KCND2: variants seen among roughly 807,000 people sequenced by gnomAD.
KCND2 encodes the protein A-type voltage-gated potassium channel KCND2.
Under a neutral mutation model 54.4 loss-of-function variants are expected in KCND2, and 16 were observed. The observed-to-expected ratio is 0.29, with a 90% CI of 0.20 to 0.45. KCND2 has a LOEUF of 0.45. KCND2 is among the 20% of genes least tolerant of loss of function. The probability of loss-of-function intolerance (pLI) is 1.00; values close to 1 mark genes in which losing one functional copy is unlikely to be tolerated. For missense variants in KCND2, 486 were observed against 824.2 expected, an observed-to-expected ratio of 0.59 and a Z score of 5.02; for synonymous variants, 317 against 310.7, an observed-to-expected ratio of 1.02 and a Z score of -0.21.
chr7:120,417,458 C>A (rs1801540390), intron 1 of KCND2, among the ~76,000 whole-genome samples: 1 of 152,114 alleles, frequency 6.6e-6, no homozygotes, highest in South Asian at 2.1e-4. Context: ...CTGCTCACTG[C>A]CTAATAAAGT....
intron 1 of KCND2, among the ~76,000 whole-genome samples, chr7:120,707,515 A>G (rs1792484731): frequency 1.3e-5 from 2 of 152,126 alleles, no homozygotes; most frequent in South Asian, 4.1e-4. Flanking sequence ...AAGGAGCAAA[A>G]GTTGAAGTGA....
chr7:120,721,142 G>A (rs1792660606), intron 1 of KCND2, among the ~76,000 whole-genome samples: 1 of 152,068 alleles, frequency 6.6e-6, no homozygotes, highest in African/African-American at 2.4e-5. Context: ...TTAAGCAGGT[G>A]TACTTTTTGG....
intron 1 of KCND2, among the ~76,000 whole-genome samples, chr7:120,369,379 A>C (rs1324029399): frequency 6.6e-6 from 1 of 152,084 alleles, no homozygotes; most frequent in Non-Finnish European, 1.5e-5. Flanking sequence ...AATCTTCAAA[A>C]AACAACAGCT....
intron 1 of KCND2, among the ~76,000 whole-genome samples, chr7:120,440,132 T>C (rs1207201361): frequency 1.3e-5 from 2 of 152,070 alleles, no homozygotes; most frequent in Non-Finnish European, 2.9e-5. Flanking sequence ...TGAGTTCCTA[T>C]TTCTCCACGC....
intron 1 of KCND2, among the ~76,000 whole-genome samples, chr7:120,576,298 CTTAT>C (rs986140942): frequency 1.6e-4 from 24 of 152,220 alleles, no homozygotes; most frequent in African/African-American, 5.5e-4. Context: ...AGTAGAATTT[CTTAT>C]TTAATGTTAT....
chr7:120,658,630 T>C (rs1216409386), intron 1 of KCND2, among the ~76,000 whole-genome samples: 2 of 152,204 alleles, frequency 1.3e-5, no homozygotes, highest in Non-Finnish European at 2.9e-5. Flanking sequence ...AGCACCATCA[T>C]AGACACCAAC....
chr7:120,287,081 T>A (rs562104657), intron 1 of KCND2, among the ~76,000 whole-genome samples: 1 of 152,074 alleles, frequency 6.6e-6, no homozygotes, highest in South Asian at 2.1e-4. Context: ...TAATAGAAAT[T>A]TGGGGCAAAA....
intron 1 of KCND2, among the ~76,000 whole-genome samples, chr7:120,338,278 G>C (rs995243190): frequency 6.6e-6 from 1 of 151,974 alleles, no homozygotes; most frequent in Admixed American, 6.6e-5. Flanking sequence ...TTTGTATCCA[G>C]TATCTCTTAC....
chr7:120,733,244 C>T (rs1244952963), intron 2 of KCND2, among the ~76,000 whole-genome samples, 179 bp downstream of exon 2: 4 of 152,086 alleles, frequency 2.6e-5, no homozygotes, highest in Non-Finnish European at 5.9e-5. Flanking sequence ...AAACAATAAG[C>T]AATATTTCTG....
chr7:120,360,477 A>C (rs914863813), intron 1 of KCND2, among the ~76,000 whole-genome samples: 8 of 152,086 alleles, frequency 5.3e-5, no homozygotes, highest in Admixed American at 5.2e-4. Flanking sequence ...GGCTTTGGAA[A>C]GACTATCCAT....
At chr7:120,408,338 C>A (rs151332300) in intron 1 of KCND2, among the ~76,000 whole-genome samples, 164 of 151,848 alleles carry the variant, frequency 1.1e-3, no homozygotes, top group African/African-American at 3.5e-3. Flanking sequence ...ATGGTACATA[C>A]AGGGGGATCT....
intron 1 of KCND2, among the ~76,000 whole-genome samples, chr7:120,530,239 T>C (rs2116362815): frequency 6.6e-6 from 1 of 152,332 alleles, no homozygotes; most frequent in South Asian, 2.1e-4. Flanking sequence ...TACCCCATTC[T>C]CCATGATGTA....
intron 1 of KCND2, among the ~76,000 whole-genome samples, chr7:120,720,169 T>C (rs1337693807): frequency 6.6e-6 from 1 of 152,110 alleles, no homozygotes; most frequent in Non-Finnish European, 1.5e-5. Flanking sequence ...ATCTTACCCT[T>C]AGTTTTTAAC....
intron 1 of KCND2, among the ~76,000 whole-genome samples, chr7:120,574,876 T>A (rs1473267317): frequency 1.1e-4 from 17 of 152,104 alleles, no homozygotes; most frequent in Non-Finnish European, 2.4e-4. Flanking sequence ...TTTACAGCTA[T>A]TTTTTTCTAT....
chr7:120,296,016 TA>T (rs1273443312), intron 1 of KCND2, among the ~76,000 whole-genome samples: 1 of 152,122 alleles, frequency 6.6e-6, no homozygotes, highest in Non-Finnish European at 1.5e-5. Context: ...ATATTTGAGG[TA>T]AACACTGAAT....
chr7:120,414,824 G>A (rs1801502515), intron 1 of KCND2, among the ~76,000 whole-genome samples: 2 of 151,986 alleles, frequency 1.3e-5, no homozygotes, highest in Non-Finnish European at 2.9e-5. Context: ...ATGTCATCTG[G>A]TGCTTTCATA....
intron 1 of KCND2, among the ~76,000 whole-genome samples, chr7:120,495,550 G>A (rs769135230): frequency 6.6e-6 from 1 of 152,052 alleles, no homozygotes; most frequent in Non-Finnish European, 1.5e-5. Flanking sequence ...GCATTTTAAT[G>A]CCATTAACTT....
rs72353278 is a variant in KCND2 at position 120,353,133 on chromosome 7, C to CTTTT, written c.1115+77408_1115+77411dup. Among the ~76,000 whole-genome samples the CTTTT allele has an allele frequency of 2.2e-4, 20 of 91,776 alleles. 1 individual carries two copies. The highest frequency in any genetic ancestry group is 6.4e-4 in the African/African-American group (15 of 23,586). The allele number at this position is 91,776 out of a possible 152,430, so 60.2% of individuals were successfully genotyped here. On this transcript the variant is annotated intron_variant, in intron 1 of 5. Coordinates refer to ENST00000331113, the MANE Select transcript of KCND2 (RefSeq NM_012281.3). ...TAACAATGTGAGATAAATACTTTTA[C>CTTTT]TTTTTTTTTTTTTTTTTTTTTTTTT...
At chr7:120,572,346 T>C (rs914976148) in intron 1 of KCND2, among the ~76,000 whole-genome samples, 3 of 152,328 alleles carry the variant, frequency 2.0e-5, no homozygotes, top group South Asian at 4.1e-4. Flanking sequence ...CAATGCATTC[T>C]ATATTTTCAC....
Sources: allele counts gnomAD v4.1 joint callset (sites outside exome capture counted in the v4.1 genomes callset), GRCh38; gene constraint gnomAD v4.1.1; transcripts MANE v1.5; gene names NCBI Gene and HGNC (gene_info 2026-07-23, HGNC 2026-07-21).